MYO9B: variants seen among roughly 807,000 people sequenced by gnomAD.
MYO9B encodes the protein unconventional myosin-IXb.
MYO9B carries 71 observed loss-of-function variants against 229.5 expected under a neutral mutation model. The ratio of observed to expected loss-of-function variants is 0.31; its 90% CI spans 0.26 to 0.38. MYO9B has a LOEUF of 0.38. Among genes scored for constraint, MYO9B ranks in the 10% least tolerant of loss-of-function variants. MYO9B has a pLI of 1.00. For synonymous variants in MYO9B, 1,185 were observed against 1,235.8 expected (o/e 0.96, Z 0.86); for missense variants, 2,255 against 2,920.5 (o/e 0.77, Z 5.25).
chr19:17,091,197 C>G (rs574969447), intron 1 of MYO9B, among the ~76,000 whole-genome samples: 20 of 152,292 alleles, frequency 1.3e-4, no homozygotes, highest in Non-Finnish European at 2.4e-4. Flanking sequence ...AAAACAGTTG[C>G]TTCCATGTTT....
rs552535271 is a variant in MYO9B, at chr19:17,091,342, C to T, written c.-58-10318C>T. Reference sequence around the variant, plus strand: ...ATGGGCTCAGGCAATCCCCCTGCCTCGGCCTCCCGAGTAGCTGGGATTATA... The same window carrying T: ...ATGGGCTCAGGCAATCCCCCTGCCTTGGCCTCCCGAGTAGCTGGGATTATA... On this transcript the variant is annotated intron_variant, in intron 1 of 39. Coordinates refer to ENST00000682292, the MANE Select transcript of MYO9B (RefSeq NM_004145.4). Among the ~76,000 whole-genome samples the T allele has an allele frequency of 2.0e-3, 307 of 152,354 alleles. 1 individual carries two copies. Among genetic ancestry groups the T allele is most frequent in the Non-Finnish European group, 3.8e-3 (257 of 68,034 alleles).
intron 10 of MYO9B, among the ~76,000 whole-genome samples, chr19:17,165,359 C>CA (rs879937918): frequency 0.032 from 4,116 of 128,442 alleles, 191 homozygotes; most frequent in African/African-American, 0.11. Flanking sequence ...GACCCTGTCT[C>CA]AAAAAAAAAA....
rs189514714 is a variant in MYO9B at position 17,199,309 on chromosome 19, G to T, written c.4239-984G>T. On this transcript the variant is annotated intron_variant, in intron 24 of 39. Transcript: ENST00000682292. ...GAGGTGAGAGGATCATGCTCGTGAG[G>T]CCAGGAGTTTGAGGCTGTAGCGAGC... Among the ~76,000 whole-genome samples, 52 of 152,196 alleles carry T rather than the reference G, an allele frequency of 3.4e-4. 1 individual carries two copies. Among genetic ancestry groups the T allele is most frequent in the Admixed American group, 2.9e-3 (44 of 15,272 alleles).
At chr19:17,088,314 C>T (rs1408446300) in intron 1 of MYO9B, among the ~76,000 whole-genome samples, 2 of 152,250 alleles carry the variant, frequency 1.3e-5, no homozygotes, top group African/African-American at 4.8e-5. Context: ...GGGGCCCACC[C>T]TTGTCCAGTA....
intron 1 of MYO9B, among the ~76,000 whole-genome samples, chr19:17,100,203 C>T (rs974512722): frequency 2.6e-5 from 4 of 151,526 alleles, no homozygotes; most frequent in African/African-American, 9.7e-5. Flanking sequence ...GGCGTGGTGG[C>T]TCACCCCTCT....
intron 14 of MYO9B, among the ~76,000 whole-genome samples, chr19:17,176,062 C>T (rs2145379305): frequency 6.7e-6 from 1 of 150,176 alleles, no homozygotes. Flanking sequence ...CAGAGTCTTG[C>T]TCTGTTGCCC....
chr19:17,189,492 G>A (rs905705523), intron 19 of MYO9B, among the ~76,000 whole-genome samples: 4 of 151,532 alleles, frequency 2.6e-5, no homozygotes, highest in Non-Finnish European at 1.5e-5. Flanking sequence ...CAAAAGCCAG[G>A]CGTGCTGGCA....
Position 17,172,386 on chromosome 19 carries a change from A to G in MYO9B, c.1844A>G (p.His615Arg). Reference sequence around the variant, plus strand: ...CTGCTGGCCAAGTTCAAACAGCAACATGAGGACAATAAGTACTTCCTGGGC... The same window carrying G: ...CTGCTGGCCAAGTTCAAACAGCAACGTGAGGACAATAAGTACTTCCTGGGC... The part of the protein sequence containing the change: ...QTLLAKFKQQ[H>R]EDNKYFLGTP... The change falls in exon 12 of 40, where the codon CAT becomes CGT. Residue 615 changes from histidine to arginine, a missense_variant. By Grantham distance (29) the His-to-Arg change is conservative. This residue lies in a region of MYO9B where 220 missense variants were observed against 404.5 expected (regional missense o/e 0.54). Coordinates refer to ENST00000682292, the MANE Select transcript of MYO9B (RefSeq NM_004145.4). This position sits in a 1 kb window ranked among gnomAD's most constrained non-coding sequence, Gnocchi z 8.2. 6 of 1,614,002 alleles carry G rather than the reference A, an allele frequency of 3.7e-6. No homozygotes were observed. Among genetic ancestry groups the G allele is most frequent in the East Asian group, 2.2e-5 (1 of 44,876 alleles).
chr19:17,116,939 G>C (rs1048434959), intron 2 of MYO9B, among the ~76,000 whole-genome samples: 4 of 152,124 alleles, frequency 2.6e-5, no homozygotes, highest in African/African-American at 9.7e-5. Flanking sequence ...ATGATCTAAG[G>C]CTATTTTAGA....
chr19:17,110,895 T>G (rs1334772779), intron 2 of MYO9B, among the ~76,000 whole-genome samples: 1 of 152,056 alleles, frequency 6.6e-6, no homozygotes, highest in African/African-American at 2.4e-5. Context: ...AACCTAGGAC[T>G]CGTACCCACC....
intron 10 of MYO9B, among the ~76,000 whole-genome samples, chr19:17,164,086 A>C (rs111738841): frequency 0.012 from 1,779 of 152,296 alleles, 39 homozygotes; most frequent in African/African-American, 0.039. Flanking sequence ...GCAGCATTTT[A>C]TAAGGAAATA....
At chr19:17,125,304 C>T (rs1234151294) in intron 2 of MYO9B, among the ~76,000 whole-genome samples, 1 of 138,284 alleles carries the variant, frequency 7.2e-6, no homozygotes, top group South Asian at 2.3e-4. Context: ...CCATCCCCCC[C>T]CCCCCAAAAA....
At chr19:17,156,029 A>T (rs1311305617) in intron 6 of MYO9B, among the ~76,000 whole-genome samples, 1 of 146,482 alleles carries the variant, frequency 6.8e-6, no homozygotes, top group African/African-American at 2.5e-5. Context: ...CAAAAAAAAA[A>T]AAAAAAGATG....
At chr19:17,200,523 C>A in intron 25 of MYO9B, 97 bp downstream of exon 25, 1 of 1,509,390 alleles carries the variant, frequency 6.6e-7, no homozygotes. Flanking sequence ...GGCTGTGGGC[C>A]AAGCCCTAGG....
intron 33 of MYO9B, 126 bp downstream of exon 33, chr19:17,206,502 G>A: frequency 7.0e-7 from 1 of 1,433,952 alleles, no homozygotes; most frequent in Non-Finnish European, 9.3e-7. Context: ...AAAGCAGTCG[G>A]CCCAGCCAAA....
At chr19:17,147,345 C>G (rs1200754262) in intron 3 of MYO9B, among the ~76,000 whole-genome samples, 2 of 151,994 alleles carry the variant, frequency 1.3e-5, no homozygotes, top group Non-Finnish European at 2.9e-5. Context: ...GAGTTCAAGA[C>G]CAGCCTGTCC....
At chr19:17,134,249 T>C (rs1247727887) in intron 2 of MYO9B, among the ~76,000 whole-genome samples, 1 of 152,058 alleles carries the variant, frequency 6.6e-6, no homozygotes, top group African/African-American at 2.4e-5. Flanking sequence ...AGTTCAACTT[T>C]TAAAAATTCT....
chr19:17,167,879 A>G, intron 10 of MYO9B, 64 bp from the exon 11 acceptor site: 1 of 1,537,264 alleles, frequency 6.5e-7, no homozygotes, highest in Non-Finnish European at 8.8e-7. Context: ...TATGCAATAT[A>G]TGTTATGTAG....
Position 17,162,950 on chromosome 19 carries a change from C to T in MYO9B, c.1537-38C>T, listed in dbSNP as rs780772172. 3.1e-6 allele frequency: 5 copies of T among 1,593,806 alleles called. No individual in the cohort carries two copies. The South Asian group carries it at 3.4e-5, about 11-fold the overall frequency. ...CATGAAGGCTGGCTCCCTCGGGGTGCACCTGCGGGCAGTGACCATTTTCTC... is the reference window on the plus strand; with the variant it reads ...CATGAAGGCTGGCTCCCTCGGGGTGTACCTGCGGGCAGTGACCATTTTCTC... On this transcript the variant is annotated intron_variant, in intron 9 of 39. Transcript: ENST00000682292.
Sources: allele counts gnomAD v4.1 joint callset (sites outside exome capture counted in the v4.1 genomes callset), GRCh38; gene constraint gnomAD v4.1.1; regional missense constraint gnomAD v4.1.1; non-coding constraint Gnocchi (gnomAD v3.1); transcripts MANE v1.5; gene names NCBI Gene and HGNC (gene_info 2026-07-23, HGNC 2026-07-21).